Variants in SHISA9 observed in about 807,000 individuals in gnomAD.
SHISA9 encodes shisa family member 9.
A neutral mutation model predicts 38.0 loss-of-function variants in SHISA9; 13 were observed. That is an observed-to-expected ratio of 0.34 (90% CI 0.22 to 0.54). The LOEUF is 0.54. Among genes scored for constraint, SHISA9 ranks in the 20% least tolerant of loss-of-function variants. The probability of loss-of-function intolerance (pLI) is 0.91; values close to 1 mark genes in which losing one functional copy is unlikely to be tolerated. For synonymous variants in SHISA9, 275 were observed against 242.0 expected (o/e 1.14, Z -1.27); for missense variants, 538 against 575.8 (o/e 0.93, Z 0.67).
the SHISA9 span, among the ~76,000 whole-genome samples, chr16:13,373,234 AAG>A: frequency 6.6e-6 from 1 of 152,240 alleles, no homozygotes; most frequent in Non-Finnish European, 1.5e-5. Context: ...CAAAGGTTGA[AAG>A]AGTAATACAG....
At chr16:13,129,562 C>G (rs1460806494) in intron 2 of SHISA9, among the ~76,000 whole-genome samples, 2 of 152,180 alleles carry the variant, frequency 1.3e-5, no homozygotes, top group Admixed American at 6.5e-5. Context: ...TACATCTGGT[C>G]TAGCTGGTTT....
At chr16:13,403,573 G>A in the SHISA9 span, among the ~76,000 whole-genome samples, 2 of 152,192 alleles carry the variant, frequency 1.3e-5, no homozygotes, top group South Asian at 4.1e-4. Context: ...AAAACACAGT[G>A]CTGGAAATGG....
the SHISA9 span, among the ~76,000 whole-genome samples, chr16:13,257,276 G>GT: frequency 6.6e-6 from 1 of 152,262 alleles, no homozygotes; most frequent in South Asian, 2.1e-4. Context: ...GAGATGCTGC[G>GT]TAGGGTAATT....
At chr16:13,442,219 A>G in the SHISA9 span, among the ~76,000 whole-genome samples, 1 of 152,240 alleles carries the variant, frequency 6.6e-6, no homozygotes, top group Non-Finnish European at 1.5e-5. Context: ...AAAGGATGAG[A>G]AACAAAATAA....
chr16:13,181,649 T>G (rs2050780537), intron 2 of SHISA9, among the ~76,000 whole-genome samples: 2 of 152,014 alleles, frequency 1.3e-5, no homozygotes, highest in Non-Finnish European at 2.9e-5. Context: ...TGTTAGAGAT[T>G]ACCCTGACTT....
the SHISA9 span, among the ~76,000 whole-genome samples, chr16:13,502,770 G>A: frequency 1.3e-5 from 2 of 152,034 alleles, no homozygotes; most frequent in South Asian, 2.1e-4. Flanking sequence ...CCAGCTACTC[G>A]GGAGGCTGAG....
intron 2 of SHISA9, among the ~76,000 whole-genome samples, chr16:13,019,517 A>T (rs1345184294): frequency 6.6e-6 from 1 of 152,034 alleles, no homozygotes. Flanking sequence ...ATAATCACAA[A>T]GTCTCTGATT....
the SHISA9 span, among the ~76,000 whole-genome samples, chr16:13,481,014 C>A: frequency 6.6e-6 from 1 of 152,304 alleles, no homozygotes; most frequent in Non-Finnish European, 1.5e-5. Context: ...AGGAACCACC[C>A]TAATCTTACT....
the SHISA9 span, among the ~76,000 whole-genome samples, chr16:13,393,276 T>G: frequency 6.6e-6 from 1 of 152,222 alleles, no homozygotes; most frequent in Non-Finnish European, 1.5e-5. Flanking sequence ...ATTTTAATTC[T>G]CTGGTGTTGC....
intron 2 of SHISA9, among the ~76,000 whole-genome samples, chr16:12,974,041 C>T (rs914818737): frequency 6.6e-6 from 1 of 152,136 alleles, no homozygotes; most frequent in Non-Finnish European, 1.5e-5. Context: ...TCAAGGGTCT[C>T]CAGCACTGCC....
the SHISA9 span, among the ~76,000 whole-genome samples, chr16:13,560,260 C>T: frequency 6.6e-6 from 1 of 152,150 alleles, no homozygotes; most frequent in Non-Finnish European, 1.5e-5. Flanking sequence ...GTCCAGCACT[C>T]CCACCTGGAG....
At chr16:13,217,501 G>T (rs2051181836) in intron 4 of SHISA9, among the ~76,000 whole-genome samples, 1 of 152,140 alleles carries the variant, frequency 6.6e-6, no homozygotes, top group Admixed American at 6.6e-5. Context: ...CTTCTGACTA[G>T]AATCAGCCTG....
At chr16:13,170,246 A>C (rs1444197677) in intron 2 of SHISA9, among the ~76,000 whole-genome samples, 1 of 151,638 alleles carries the variant, frequency 6.6e-6, no homozygotes, top group East Asian at 1.9e-4. Flanking sequence ...ATATATGTTC[A>C]TTTGTTCATT....
At chr16:13,475,845 A>T in the SHISA9 span, among the ~76,000 whole-genome samples, 4 of 152,318 alleles carry the variant, frequency 2.6e-5, no homozygotes, top group South Asian at 6.2e-4. Flanking sequence ...CATAAGGAAC[A>T]GGCAACCTAG....
At chr16:13,229,937 A>T (rs2051314953) in intron 4 of SHISA9, among the ~76,000 whole-genome samples, 2 of 152,226 alleles carry the variant, frequency 1.3e-5, no homozygotes, top group East Asian at 1.9e-4. Context: ...GGACCTCATT[A>T]TAAGTACTGC....
At chr16:13,046,529 A>C (rs890218002) in intron 2 of SHISA9, among the ~76,000 whole-genome samples, 1 of 152,194 alleles carries the variant, frequency 6.6e-6, no homozygotes, top group African/African-American at 2.4e-5. Context: ...CTATAGCCAC[A>C]CAGTAACTTA....
chr16:13,424,641 A>C, the SHISA9 span, among the ~76,000 whole-genome samples: 4 of 152,258 alleles, frequency 2.6e-5, no homozygotes, highest in African/African-American at 9.6e-5. Context: ...AGAGCTCAGA[A>C]AACTTTTATA....
chr16:13,343,581 G>A, the SHISA9 span, among the ~76,000 whole-genome samples: 1 of 152,120 alleles, frequency 6.6e-6, no homozygotes, highest in Non-Finnish European at 1.5e-5. Flanking sequence ...CTTGGTCTGG[G>A]AGGAAAATAA....
the SHISA9 span, among the ~76,000 whole-genome samples, chr16:13,323,620 G>A: frequency 1.3e-5 from 2 of 152,252 alleles, no homozygotes; most frequent in South Asian, 2.1e-4. Context: ...AGTTCCGCAC[G>A]CCTGGGGAGG....
Sources: gnomAD v4.1 joint callset for allele counts (sites outside exome capture counted in the v4.1 genomes callset) on GRCh38, gnomAD v4.1.1 for gene constraint, MANE v1.5 for transcripts, NCBI Gene and HGNC (gene_info 2026-07-23, HGNC 2026-07-21) for gene names.